RAB3IP: variants seen among roughly 807,000 people sequenced by gnomAD.
The protein encoded by RAB3IP is RAB3A interacting protein.
In RAB3IP, 36 loss-of-function variants were observed where a neutral mutation model predicts 59.1. The ratio of observed to expected loss-of-function variants is 0.61; its 90% CI spans 0.47 to 0.80. The LOEUF (loss-of-function observed/expected upper bound fraction) is 0.80, where lower values mean the gene tolerates loss of function less well. RAB3IP is among the 30% of genes least tolerant of loss of function. RAB3IP has a pLI of 0.00. For synonymous variants in RAB3IP, 207 were observed against 191.2 expected (o/e 1.08, Z -0.68); for missense variants, 511 against 536.0 (o/e 0.95, Z 0.46).
intron 8 of RAB3IP, among the ~76,000 whole-genome samples, chr12:69,811,868 A>G (rs1880509597): frequency 6.6e-6 from 1 of 152,164 alleles, no homozygotes; most frequent in African/African-American, 2.4e-5. Flanking sequence ...ATGTTATTTA[A>G]TATATTTACT....
At chr12:69,753,390 C>G (rs991138891) in intron 1 of RAB3IP, among the ~76,000 whole-genome samples, 2 of 152,046 alleles carry the variant, frequency 1.3e-5, no homozygotes, top group Non-Finnish European at 2.9e-5. Context: ...GAGTTGGAAT[C>G]TCAATCTGTC....
intron 10 of RAB3IP, among the ~76,000 whole-genome samples, chr12:69,814,798 G>A (rs548572563): frequency 3.3e-5 from 5 of 152,230 alleles, no homozygotes; most frequent in African/African-American, 1.2e-4. Flanking sequence ...TCCACTTACA[G>A]TGGGAACTTA....
chr12:69,749,780 G>A (rs2136111020), intron 1 of RAB3IP, among the ~76,000 whole-genome samples: 1 of 152,264 alleles, frequency 6.6e-6, no homozygotes, highest in East Asian at 1.9e-4. Context: ...TGTGGTCTCT[G>A]AGTTTATTTG....
At chr12:69,787,451 C>A (rs1184999784) in intron 4 of RAB3IP, among the ~76,000 whole-genome samples, 1 of 152,034 alleles carries the variant, frequency 6.6e-6, no homozygotes, top group African/African-American at 2.4e-5. Flanking sequence ...GCATATAGGG[C>A]AGATTATTAT....
rs1222501621 is a variant in RAB3IP at position 69,816,088 on chromosome 12, T to C, written c.*642T>C. On this transcript the variant is annotated 3_prime_UTR_variant, in exon 11 of 11. Coordinates refer to ENST00000247833, the MANE Select transcript of RAB3IP (RefSeq NM_022456.5). ...TCCCAGAGATGTATTCCTGAGTGTCTTGATATAGTGTATTCATGTTTTATA... is the reference window on the plus strand; with the variant it reads ...TCCCAGAGATGTATTCCTGAGTGTCCTGATATAGTGTATTCATGTTTTATA... 6.6e-6 allele frequency: 1 copy of C among 152,272 alleles called. No individual in the cohort carries two copies. The highest frequency in any genetic ancestry group is 2.4e-5 in the African/African-American group (1 of 41,470). The allele number at this position is 152,272 out of a possible 1,614,324, so 9.4% of individuals were successfully genotyped here.
intron 4 of RAB3IP, among the ~76,000 whole-genome samples, chr12:69,788,380 T>C (rs1010789104): frequency 6.6e-6 from 1 of 152,132 alleles, no homozygotes; most frequent in Non-Finnish European, 1.5e-5. Flanking sequence ...TACTGAATAC[T>C]GTTGGCACTT....
chr12:69,741,511 A>G (rs997032800), intron 1 of RAB3IP, among the ~76,000 whole-genome samples: 6 of 152,224 alleles, frequency 3.9e-5, no homozygotes, highest in Non-Finnish European at 8.8e-5. Flanking sequence ...AAAATATCCA[A>G]GTTTTCTGAA....
At chr12:69,744,579 C>G (rs2136099367) in intron 1 of RAB3IP, among the ~76,000 whole-genome samples, 1 of 151,796 alleles carries the variant, frequency 6.6e-6, no homozygotes, top group African/African-American at 2.4e-5. Flanking sequence ...AAAAAATTAG[C>G]TGGGTGTGGT....
At chr12:69,784,860 A>G in intron 4 of RAB3IP, 45 bp downstream of exon 4, 1 of 1,065,490 alleles carries the variant, frequency 9.4e-7, no homozygotes, top group South Asian at 1.4e-5. Flanking sequence ...CTTGACTTTT[A>G]TATATTGACA....
At chr12:69,749,437 A>G (rs1268225645) in intron 1 of RAB3IP, among the ~76,000 whole-genome samples, 1 of 152,180 alleles carries the variant, frequency 6.6e-6, no homozygotes, top group Non-Finnish European at 1.5e-5. Flanking sequence ...GCTGTTATGT[A>G]GTATTATCCC....
chr12:69,746,845 T>C (rs187657257), intron 1 of RAB3IP, among the ~76,000 whole-genome samples: 84 of 152,288 alleles, frequency 5.5e-4, no homozygotes, highest in Admixed American at 4.0e-3. Context: ...TAAGAAGTCA[T>C]TTGGGAATTT....
intron 1 of RAB3IP, among the ~76,000 whole-genome samples, chr12:69,748,652 A>C (rs999106427): frequency 6.6e-6 from 1 of 152,242 alleles, no homozygotes; most frequent in Non-Finnish European, 1.5e-5. Flanking sequence ...ATAAGAATTT[A>C]ATGTGATCAT....
In RAB3IP at chr12:69,821,082, T is replaced by C. The variant is rs1881692480; in HGVS notation, c.*5636T>C. The C allele has an allele frequency of 6.6e-6, 1 of 152,214 alleles. No homozygotes were observed. The highest frequency in any genetic ancestry group is 1.5e-5 in the Non-Finnish European group (1 of 68,044). The allele number at this position is 152,214 out of a possible 1,614,324, so 9.4% of individuals were successfully genotyped here. On this transcript the variant is annotated 3_prime_UTR_variant, in exon 11 of 11. Coordinates refer to ENST00000247833, the MANE Select transcript of RAB3IP (RefSeq NM_022456.5). ...CACAAGTTCACACACAGTTTACTTTTGGAGGAACGTCTGAGGTCATGAGGA... is the reference window on the plus strand; with the variant it reads ...CACAAGTTCACACACAGTTTACTTTCGGAGGAACGTCTGAGGTCATGAGGA...
intron 6 of RAB3IP, 40 bp downstream of exon 6, chr12:69,795,384 C>A: frequency 1.3e-6 from 2 of 1,499,780 alleles, no homozygotes; most frequent in Non-Finnish European, 1.9e-6. Flanking sequence ...TCTGTTGATA[C>A]TTGTTAGTTC....
chr12:69,798,495 G>A (rs1430003194), intron 6 of RAB3IP, among the ~76,000 whole-genome samples: 1 of 151,550 alleles, frequency 6.6e-6, no homozygotes, highest in African/African-American at 2.4e-5. Flanking sequence ...TCTGATGGTA[G>A]TTTCTTTTGC....
intron 1 of RAB3IP, among the ~76,000 whole-genome samples, chr12:69,743,264 G>C (rs146474180): frequency 1.7e-3 from 264 of 152,140 alleles, no homozygotes; most frequent in African/African-American, 5.9e-3. Flanking sequence ...GTCAGATAAG[G>C]ATAAAGTATA....
chr12:69,810,173 T>C (rs1592627748), intron 8 of RAB3IP, among the ~76,000 whole-genome samples: 2 of 152,364 alleles, frequency 1.3e-5, no homozygotes, highest in African/African-American at 4.8e-5. Context: ...CTCCGGACCC[T>C]GTTTGCCTAG....
intron 8 of RAB3IP, among the ~76,000 whole-genome samples, chr12:69,810,595 G>C (rs74101335): frequency 0.021 from 3,207 of 152,078 alleles, 115 homozygotes; most frequent in African/African-American, 0.073. Context: ...AACAACTGAA[G>C]GCCTAGAAAC....
At chr12:69,768,765 C>A (rs554080685) in intron 3 of RAB3IP, among the ~76,000 whole-genome samples, 2 of 152,238 alleles carry the variant, frequency 1.3e-5, no homozygotes, top group East Asian at 1.9e-4. Flanking sequence ...GTCTACTACT[C>A]CAGTACTTTC....
Sources: gnomAD v4.1 joint callset for allele counts (sites outside exome capture counted in the v4.1 genomes callset) on GRCh38, gnomAD v4.1.1 for gene constraint, MANE v1.5 for transcripts, NCBI Gene and HGNC (gene_info 2026-07-23, HGNC 2026-07-21) for gene names.